TRIO: variants seen among roughly 807,000 people sequenced by gnomAD.
TRIO encodes trio Rho guanine nucleotide exchange factor.
A neutral mutation model predicts 351.9 loss-of-function variants in TRIO; 58 were observed. That is an observed-to-expected ratio of 0.16 (90% CI 0.13 to 0.21). The LOEUF is 0.21. Among genes scored for constraint, TRIO ranks in the 10% least tolerant of loss-of-function variants. The probability of loss-of-function intolerance (pLI) is 1.00; values close to 1 mark genes in which losing one functional copy is unlikely to be tolerated. For synonymous variants in TRIO, 1,758 were observed against 1,595.7 expected (o/e 1.10, Z -2.42); for missense variants, 3,201 against 4,027.8 (o/e 0.79, Z 5.56).
intron 11 of TRIO, among the ~76,000 whole-genome samples, chr5:14,349,891 A>G (rs1429993577): frequency 2.0e-5 from 3 of 152,056 alleles, no homozygotes; most frequent in Admixed American, 2.0e-4. Context: ...CTCCACCTTC[A>G]AGTAGGTCCT....
At chr5:14,456,247 T>TGCACCTCTCCCACC (rs1400777035) in intron 34 of TRIO, among the ~76,000 whole-genome samples, 2 of 152,232 alleles carry the variant, frequency 1.3e-5, no homozygotes, top group African/African-American at 2.4e-5. Flanking sequence ...AGTTCCCGCC[T>TGCACCTCTCCCACC]GCACCTCTCC....
At chr5:14,301,069 T>C (rs1280683904) in intron 7 of TRIO, among the ~76,000 whole-genome samples, 1 of 152,122 alleles carries the variant, frequency 6.6e-6, no homozygotes, top group East Asian at 1.9e-4. Context: ...GCAGAAGAAA[T>C]GAGTGGCTCC....
intron 34 of TRIO, chr5:14,440,768 C>G (rs919976094): frequency 6.6e-6 from 1 of 152,170 alleles, no homozygotes; most frequent in African/African-American, 2.4e-5. Flanking sequence ...GACCTCCCTC[C>G]AGATGTACAC....
Position 14,316,521 on chromosome 5 carries a change from A to T in TRIO, c.1509A>T (p.Gln503His). The T allele has an allele frequency of 1.2e-6, 2 of 1,613,990 alleles. No individual in the cohort carries two copies. The highest frequency in any genetic ancestry group is 1.7e-6 in the Non-Finnish European group (2 of 1,179,988). ...HITLAYSEVSQDGKSLLDKLQ... is the reference protein window; with the variant it reads ...HITLAYSEVSHDGKSLLDKLQ... The stretch of plus-strand genomic sequence containing the variant: ...ATTTCTTTTGTGGGCAGGTCAGCCA[A>T]GATGGGAAGTCGCTCCTTGACAAGC... The change falls in exon 9 of 57, where the codon CAA becomes CAT. Residue 503 changes from glutamine to histidine, a missense_variant. By Grantham distance (24) the Gln-to-His change is conservative. This residue lies in a region of TRIO where 349 missense variants were observed against 449.3 expected (regional missense o/e 0.78). Coordinates refer to ENST00000344204, the MANE Select transcript of TRIO (RefSeq NM_007118.4).
In TRIO at chr5:14,298,466, G is replaced by C. The variant is rs144286252; in HGVS notation, c.1368+1203G>C. On this transcript the variant is annotated intron_variant, in intron 7 of 56. Coordinates refer to ENST00000344204, the MANE Select transcript of TRIO (RefSeq NM_007118.4). Reference sequence around the variant, plus strand: ...GAAAAATATCAGTATATCTTCCTCAGGGTTAATTTTTGGGGGAAAGACTGG... The same window carrying C: ...GAAAAATATCAGTATATCTTCCTCACGGTTAATTTTTGGGGGAAAGACTGG... Among the ~76,000 whole-genome samples the C allele has an allele frequency of 5.5e-4, 84 of 152,314 alleles. 1 individual carries two copies. In the East Asian group the frequency reaches 0.015, roughly 27 times the overall value.
chr5:14,307,551 G>A (rs1445586786), intron 8 of TRIO, among the ~76,000 whole-genome samples: 1 of 152,200 alleles, frequency 6.6e-6, no homozygotes, highest in African/African-American at 2.4e-5. Context: ...CCTTCTCTGG[G>A]TGTCATCACA....
intron 11 of TRIO, 138 bp from the exon 12 acceptor site, chr5:14,358,040 C>G (rs1369087273): frequency 9.6e-7 from 1 of 1,036,622 alleles, no homozygotes; most frequent in Admixed American, 2.9e-5. Flanking sequence ...TCCTTCCTTC[C>G]CTCCGGGAGT....
At position 14,493,229 on chromosome 5, in the gene TRIO, G is replaced by A. The variant is rs544243842; in HGVS notation, c.7880+415G>A. 4.6e-5 allele frequency among the ~76,000 whole-genome samples: 7 copies of A among 152,236 alleles called. No individual in the cohort carries two copies. In the East Asian group the frequency reaches 7.7e-4, roughly 17 times the overall value. On this transcript the variant is annotated intron_variant, in intron 49 of 56. Coordinates refer to ENST00000344204, the MANE Select transcript of TRIO (RefSeq NM_007118.4). Reference sequence around the variant, plus strand: ...CAGAGGAGCAGGACCAGTAGGGAGCGTGCGGAGATGTTGGCATAGACACAG... The same window carrying A: ...CAGAGGAGCAGGACCAGTAGGGAGCATGCGGAGATGTTGGCATAGACACAG...
At chr5:14,258,644 G>A (rs569379786) in intron 1 of TRIO, among the ~76,000 whole-genome samples, 20 of 152,200 alleles carry the variant, frequency 1.3e-4, no homozygotes, top group Admixed American at 1.2e-3. Context: ...ATGAAACTGC[G>A]GAAGAGCTTC....
chr5:14,488,101 C>T lies in TRIO; in HGVS notation c.7473C>T (p.Ala2491=). Residue 2491 remains alanine, a synonymous_variant, in exon 48 of 57, where the codon GCC becomes GCT. Coordinates refer to ENST00000344204, the MANE Select transcript of TRIO (RefSeq NM_007118.4). ...GCTCCTTCTGGAGCTCCATCCCCGC[C>T]TCCCCCGCCAGCCGACCCGGCTCCT... ...KGGSFWSSIP[A]SPASRPGSFT... is the part of the protein sequence containing the mutation. 1.9e-6 allele frequency: 3 copies of T among 1,609,918 alleles called. No individual in the cohort carries two copies. Among genetic ancestry groups the T allele is most frequent in the Non-Finnish European group, 2.5e-6 (3 of 1,179,188 alleles).
chr5:14,438,862 A>G (rs552153101), intron 34 of TRIO, among the ~76,000 whole-genome samples: 2 of 152,092 alleles, frequency 1.3e-5, no homozygotes, highest in Non-Finnish European at 2.9e-5. Flanking sequence ...ATTTCTCTTT[A>G]CTTACTGTAT....
rs1364779040 is a variant in TRIO at position 14,504,450 on chromosome 5, C to T, written c.8469C>T (p.Ala2823=). ...CDQKGTKRAV[A]TKFVNKKLMK... is the part of the protein sequence containing the mutation. ...AGAAAGGAACCAAGCGAGCAGTGGCCACTAAGTTTGTGAACAAGAAGTTGA... is the reference window on the plus strand; with the variant it reads ...AGAAAGGAACCAAGCGAGCAGTGGCTACTAAGTTTGTGAACAAGAAGTTGA... The change falls in exon 55 of 57, where the codon GCC becomes GCT. Residue 2823 remains alanine (A), a synonymous_variant. Transcript: ENST00000344204. 10 of 1,614,152 alleles carry T rather than the reference C, an allele frequency of 6.2e-6. No homozygotes were observed. Among genetic ancestry groups the T allele is most frequent in the Non-Finnish European group, 8.5e-6 (10 of 1,180,030 alleles).
chr5:14,324,064 T>C (rs965473925), intron 9 of TRIO, among the ~76,000 whole-genome samples: 1 of 152,234 alleles, frequency 6.6e-6, no homozygotes, highest in Non-Finnish European at 1.5e-5. Flanking sequence ...GAATGTAATA[T>C]GTTCATTTCT....
At chr5:14,391,088 T>G in intron 27 of TRIO, 98 bp downstream of exon 27, 1 of 879,024 alleles carries the variant, frequency 1.1e-6, no homozygotes, top group African/African-American at 1.8e-5. Flanking sequence ...GTACAATGTT[T>G]TCATTTTTGT....
chr5:14,462,811 G>A lies in TRIO; in HGVS notation c.5553G>A (p.Gly1851=). The A allele has an allele frequency of 1.2e-6, 2 of 1,614,252 alleles. No individual in the cohort carries two copies. ...SGTLSKSSSS[G]MQSCGEEEGE... ...CTCTCTCCAAATCCTCCTCCTCGGG[G>A]ATGCAGAGCTGTGGAGAAGAGGAAG... Residue 1851 remains glycine, a synonymous_variant, in exon 36 of 57, where the codon GGG becomes GGA. Coordinates refer to ENST00000344204, the MANE Select transcript of TRIO (RefSeq NM_007118.4).
At chr5:14,330,662 TGC>T in intron 9 of TRIO, 114 bp from the exon 10 acceptor site, 3 of 1,331,090 alleles carry the variant, frequency 2.3e-6, no homozygotes, top group African/African-American at 2.9e-5. Context: ...TTTTCTCGTT[TGC>T]TTCTTGTTTC....
At chr5:14,259,789 GTTTT>G (rs35558584) in intron 1 of TRIO, among the ~76,000 whole-genome samples, 1 of 148,974 alleles carries the variant, frequency 6.7e-6, no homozygotes, top group Non-Finnish European at 1.5e-5. Context: ...CAGGTTTTTT[GTTTT>G]TTTTTTGAGT....
intron 35 of TRIO, among the ~76,000 whole-genome samples, chr5:14,461,830 G>A (rs1753837841): frequency 1.3e-5 from 2 of 152,234 alleles, no homozygotes; most frequent in Admixed American, 6.5e-5. Context: ...CTTGTCTTGA[G>A]TAGAAAATAA....
chr5:14,460,878 C>T, intron 34 of TRIO, 141 bp from the exon 35 acceptor site: 1 of 923,508 alleles, frequency 1.1e-6, no homozygotes, highest in Non-Finnish European at 1.6e-6. Flanking sequence ...CAGCCCCTGT[C>T]ATCTCACACC....
Sources: gnomAD v4.1 joint callset for allele counts (sites outside exome capture counted in the v4.1 genomes callset) on GRCh38, gnomAD v4.1.1 for gene constraint, gnomAD v4.1.1 regional missense constraint, MANE v1.5 for transcripts, NCBI Gene and HGNC (gene_info 2026-07-23, HGNC 2026-07-21) for gene names.